The following CDH13 variants were observed in gnomAD, a reference collection of about 807,000 sequenced individuals.
CDH13 encodes the protein cadherin-13.
Under a neutral mutation model 63.8 loss-of-function variants are expected in CDH13, and 24 were observed. That is an observed-to-expected ratio of 0.38 (90% CI 0.27 to 0.53). The LOEUF (loss-of-function observed/expected upper bound fraction) is 0.53, where lower values mean the gene tolerates loss of function less well. Ranked by LOEUF, CDH13 falls within the 20% of genes least tolerant of loss-of-function variation. CDH13 has a pLI of 0.85. For synonymous variants in CDH13, 503 were observed against 355.3 expected (o/e 1.42, Z -4.67); for missense variants, 1,049 against 903.1 (o/e 1.16, Z -2.07).
intron 2 of CDH13, among the ~76,000 whole-genome samples, chr16:82,864,595 G>T (rs960690387): frequency 6.6e-6 from 1 of 151,944 alleles, no homozygotes; most frequent in African/African-American, 2.4e-5. Context: ...AGAGAAAACT[G>T]CCCCCGTAAT....
intron 2 of CDH13, among the ~76,000 whole-genome samples, chr16:82,950,148 G>C (rs1189460948): frequency 1.3e-5 from 2 of 152,106 alleles, no homozygotes; most frequent in African/African-American, 4.8e-5. Context: ...TCAAGGTGTA[G>C]GTAGGGCTGG....
chr16:83,617,009 A>G (rs1159998855), intron 8 of CDH13, among the ~76,000 whole-genome samples: 5 of 151,938 alleles, frequency 3.3e-5, no homozygotes, highest in Non-Finnish European at 7.4e-5. Flanking sequence ...CAACTTATAA[A>G]TCCCCCAGGC....
chr16:83,257,848 T>C (rs910355087), intron 5 of CDH13, among the ~76,000 whole-genome samples: 19 of 152,218 alleles, frequency 1.2e-4, no homozygotes, highest in African/African-American at 4.6e-4. Flanking sequence ...CGCCATACTA[T>C]CTTCCACAAT....
At chr16:83,643,857 C>G (rs1015614981) in intron 8 of CDH13, among the ~76,000 whole-genome samples, 1 of 152,166 alleles carries the variant, frequency 6.6e-6, no homozygotes, top group Non-Finnish European at 1.5e-5. Context: ...AGTTTCCTGT[C>G]CACTTGTCCA....
At chr16:82,974,761 A>C (rs1026254791) in intron 2 of CDH13, among the ~76,000 whole-genome samples, 5 of 152,196 alleles carry the variant, frequency 3.3e-5, no homozygotes, top group Non-Finnish European at 5.9e-5. Context: ...GGAGTCAAGG[A>C]AAGTGGGCAG....
chr16:83,276,436 T>C (rs1366474922), intron 5 of CDH13, among the ~76,000 whole-genome samples: 2 of 152,146 alleles, frequency 1.3e-5, no homozygotes, highest in Non-Finnish European at 2.9e-5. Context: ...CACCTTTGAG[T>C]TGCAGAATGT....
intron 1 of CDH13, among the ~76,000 whole-genome samples, chr16:82,695,413 C>A (rs747934675): frequency 6.6e-6 from 1 of 152,214 alleles, no homozygotes; most frequent in Non-Finnish European, 1.5e-5. Context: ...CTACTTCCCA[C>A]CAATTTTTCT....
chr16:83,475,833 C>G (rs1015599852), intron 6 of CDH13, among the ~76,000 whole-genome samples: 4 of 152,206 alleles, frequency 2.6e-5, no homozygotes, highest in Non-Finnish European at 4.4e-5. Context: ...GATCCACCCA[C>G]CTCGGCCTCC....
At chr16:83,425,414 C>G (rs955499104) in intron 6 of CDH13, among the ~76,000 whole-genome samples, 1 of 152,236 alleles carries the variant, frequency 6.6e-6, no homozygotes, top group African/African-American at 2.4e-5. Flanking sequence ...AGCCACTTAC[C>G]TGCTGCGTTC....
At chr16:83,147,973 G>A (rs190112094) in intron 4 of CDH13, among the ~76,000 whole-genome samples, 3 of 152,260 alleles carry the variant, frequency 2.0e-5, no homozygotes, top group Admixed American at 6.5e-5. Context: ...TCACTCTGTT[G>A]CCCAGGCTGG....
rs1057280067 is a variant in CDH13 at position 82,962,984 on chromosome 16, A to C, written c.158-69026A>C. ...GTAATTATTTTTCTTCCTTTTGTAA[A>C]AGTTATTTGTAATTAACAAATGATC... is the stretch of plus-strand genomic sequence containing the variant. On this transcript the variant is annotated intron_variant, in intron 2 of 13. Coordinates refer to ENST00000567109, the MANE Select transcript of CDH13 (RefSeq NM_001257.5). Among the ~76,000 whole-genome samples the C allele has an allele frequency of 3.4e-4, 52 of 152,284 alleles. 1 individual carries two copies. The highest frequency in any genetic ancestry group is 1.1e-3 in the African/African-American group (46 of 41,560).
At chr16:83,073,273 C>T (rs1162681924) in intron 3 of CDH13, among the ~76,000 whole-genome samples, 1 of 151,028 alleles carries the variant, frequency 6.6e-6, no homozygotes, top group East Asian at 2.0e-4. Flanking sequence ...GAGGTTGAAC[C>T]CGGGTGACTC....
At chr16:82,724,357 T>C (rs1415675248) in intron 1 of CDH13, among the ~76,000 whole-genome samples, 1 of 152,164 alleles carries the variant, frequency 6.6e-6, no homozygotes, top group Non-Finnish European at 1.5e-5. Flanking sequence ...TGTCAAATGC[T>C]CATTTGCCAG....
intron 3 of CDH13, among the ~76,000 whole-genome samples, chr16:83,079,762 A>G (rs1441453949): frequency 1.3e-5 from 2 of 152,226 alleles, no homozygotes; most frequent in Non-Finnish European, 1.5e-5. Flanking sequence ...ATGTCAGTCA[A>G]GTTGTTTTTG....
chr16:83,303,341 G>A (rs1029359953), intron 5 of CDH13, among the ~76,000 whole-genome samples: 3 of 152,188 alleles, frequency 2.0e-5, no homozygotes, highest in Middle Eastern at 3.2e-3. Context: ...AGGTCCAGAT[G>A]CTTATACAAC....
chr16:83,400,392 G>T (rs1391468364), intron 6 of CDH13, among the ~76,000 whole-genome samples: 1 of 152,110 alleles, frequency 6.6e-6, no homozygotes, highest in Non-Finnish European at 1.5e-5. Flanking sequence ...CCTATGGGTT[G>T]GGACGGCTAC....
chr16:83,212,661 C>G (rs757738311), intron 4 of CDH13, among the ~76,000 whole-genome samples: 6 of 152,178 alleles, frequency 3.9e-5, no homozygotes, highest in Non-Finnish European at 8.8e-5. Context: ...GCGGTGGAAA[C>G]CAGCATCAGT....
chr16:83,276,655 G>T (rs1014987501), intron 5 of CDH13, among the ~76,000 whole-genome samples: 2 of 152,122 alleles, frequency 1.3e-5, no homozygotes, highest in Non-Finnish European at 2.9e-5. Context: ...AGGATCACGA[G>T]TTCGGGAGAT....
intron 3 of CDH13, among the ~76,000 whole-genome samples, chr16:83,045,831 A>T (rs1382440401): frequency 6.6e-6 from 1 of 152,244 alleles, no homozygotes; most frequent in Non-Finnish European, 1.5e-5. Flanking sequence ...TCCACCCAGC[A>T]CATGGGATGA....
Sources: allele counts gnomAD v4.1 joint callset (sites outside exome capture counted in the v4.1 genomes callset), GRCh38; gene constraint gnomAD v4.1.1; transcripts MANE v1.5; gene names NCBI Gene and HGNC (gene_info 2026-07-23, HGNC 2026-07-21).